ZNF804B: variants seen among roughly 807,000 people sequenced by gnomAD.
ZNF804B encodes zinc finger protein 804B, also known as zinc finger 804B.
Under a neutral mutation model 101.4 loss-of-function variants are expected in ZNF804B, and 80 were observed. The observed-to-expected ratio is 0.79, with a 90% CI of 0.66 to 0.95. The LOEUF is 0.95. Among genes scored for constraint, ZNF804B ranks in the 40% least tolerant of loss-of-function variants. The pLI is 0.00. For missense variants in ZNF804B, 1,673 were observed against 1,561.9 expected, an observed-to-expected ratio of 1.07 and a Z score of -1.20; for synonymous variants, 622 against 558.8, an observed-to-expected ratio of 1.11 and a Z score of -1.59.
chr7:88,944,526 CT>C (rs1160230735), intron 1 of ZNF804B, among the ~76,000 whole-genome samples: 1 of 151,414 alleles, frequency 6.6e-6, no homozygotes, highest in Non-Finnish European at 1.5e-5. Context: ...GCCATGGGTT[CT>C]GCATCTGGAG....
At chr7:89,205,026 G>A (rs1018572086) in intron 1 of ZNF804B, among the ~76,000 whole-genome samples, 3 of 152,142 alleles carry the variant, frequency 2.0e-5, no homozygotes, top group Admixed American at 6.5e-5. Flanking sequence ...CAATCATGAC[G>A]AAAGGCGAAT....
chr7:89,220,084 T>C lies in ZNF804B; in HGVS notation c.249+1789T>C, dbSNP rs13307255. 4.0e-3 allele frequency among the ~76,000 whole-genome samples: 111 copies of C among 28,096 alleles called. 38 individuals are homozygous for C. Among genetic ancestry groups the C allele is most frequent in the African/African-American group, 0.014 (106 of 7,354 alleles). 18.4% of individuals were successfully genotyped at this position (28,096 alleles called of 152,430 possible). On this transcript the variant is annotated intron_variant, in intron 2 of 3. Transcript: ENST00000333190. ...ATACGCACATATATGTGTATATACA[T>C]ATATATACGCACATATATATGTGTG...
At chr7:88,964,096 T>C (rs776329547) in intron 1 of ZNF804B, among the ~76,000 whole-genome samples, 7 of 151,380 alleles carry the variant, frequency 4.6e-5, no homozygotes, top group Non-Finnish European at 1.5e-5. Flanking sequence ...TGCAAAATGG[T>C]GCAGCTGCTG....
intron 1 of ZNF804B, among the ~76,000 whole-genome samples, chr7:89,076,319 G>C (rs139584093): frequency 1.3e-5 from 2 of 152,100 alleles, no homozygotes; most frequent in East Asian, 3.9e-4. Context: ...TTCCTGTGCT[G>C]TTCTCGTGAG....
At chr7:88,905,224 A>G (rs1212055253) in intron 1 of ZNF804B, among the ~76,000 whole-genome samples, 1 of 152,138 alleles carries the variant, frequency 6.6e-6, no homozygotes, top group Non-Finnish European at 1.5e-5. Flanking sequence ...TTTTGCTTTT[A>G]ATCCTGTGTA....
intron 1 of ZNF804B, among the ~76,000 whole-genome samples, chr7:88,934,618 C>A (rs1195964288): frequency 4.0e-5 from 6 of 151,710 alleles, no homozygotes; most frequent in Admixed American, 6.6e-5. Flanking sequence ...GGATAAACAA[C>A]CAACAAACAT....
At chr7:88,908,508 C>G (rs1162964520) in intron 1 of ZNF804B, among the ~76,000 whole-genome samples, 1 of 151,696 alleles carries the variant, frequency 6.6e-6, no homozygotes, top group Non-Finnish European at 1.5e-5. Flanking sequence ...TTCAAACTGA[C>G]CAAAAATACT....
intron 1 of ZNF804B, among the ~76,000 whole-genome samples, chr7:88,774,420 T>C (rs1790113709): frequency 6.6e-6 from 1 of 152,060 alleles, no homozygotes; most frequent in Admixed American, 6.6e-5. Flanking sequence ...GGACCTGGTC[T>C]AGTGTGAGGT....
intron 1 of ZNF804B, among the ~76,000 whole-genome samples, chr7:89,072,963 T>G (rs558995952): frequency 6.6e-6 from 1 of 152,246 alleles, no homozygotes; most frequent in African/African-American, 2.4e-5. Context: ...ATCAAAGAGC[T>G]TATTCAATTA....
chr7:89,048,225 C>CACACACAA (rs1481240451), intron 1 of ZNF804B, among the ~76,000 whole-genome samples: 1 of 151,602 alleles, frequency 6.6e-6, no homozygotes, highest in African/African-American at 2.4e-5. Context: ...CACACACACA[C>CACACACAA]AATGGAATAC....
At chr7:88,936,838 C>A (rs559943873) in intron 1 of ZNF804B, among the ~76,000 whole-genome samples, 3 of 152,112 alleles carry the variant, frequency 2.0e-5, no homozygotes, top group Admixed American at 6.6e-5. Context: ...TTTCTAAGGT[C>A]TTTTAATTTC....
chr7:88,974,264 GATATAA>G (rs66945982), intron 1 of ZNF804B, among the ~76,000 whole-genome samples: 19,410 of 151,046 alleles, frequency 0.13, 1,492 homozygotes, highest in East Asian at 0.28. Context: ...AAATATATCA[GATATAA>G]ATATAAAATC....
chr7:89,079,263 T>C (rs1431203990), intron 1 of ZNF804B, among the ~76,000 whole-genome samples: 1 of 151,990 alleles, frequency 6.6e-6, no homozygotes, highest in Non-Finnish European at 1.5e-5. Context: ...AAATATTACA[T>C]GGTCATTTTT....
intron 1 of ZNF804B, among the ~76,000 whole-genome samples, chr7:88,812,292 A>G (rs1156654273): frequency 1.3e-5 from 2 of 152,196 alleles, no homozygotes; most frequent in African/African-American, 4.8e-5. Context: ...TATAGTGTCC[A>G]TTACCCATGT....
intron 1 of ZNF804B, among the ~76,000 whole-genome samples, chr7:88,979,556 G>A (rs188116196): frequency 1.3e-5 from 2 of 151,224 alleles, no homozygotes; most frequent in Admixed American, 1.3e-4. Context: ...ATGTATTGGA[G>A]CTCCTTTTTA....
intron 1 of ZNF804B, among the ~76,000 whole-genome samples, chr7:89,121,828 G>C (rs1418903984): frequency 6.6e-6 from 1 of 152,040 alleles, no homozygotes; most frequent in African/African-American, 2.4e-5. Flanking sequence ...GGCACAAAAT[G>C]CACAGAAAAA....
At chr7:89,203,647 G>A (rs1788677428) in intron 1 of ZNF804B, among the ~76,000 whole-genome samples, 1 of 152,058 alleles carries the variant, frequency 6.6e-6, no homozygotes, top group Non-Finnish European at 1.5e-5. Context: ...GGAGCCGCCA[G>A]TTTGAAATAA....
chr7:88,789,415 A>G (rs1462241623), intron 1 of ZNF804B, among the ~76,000 whole-genome samples: 2 of 152,088 alleles, frequency 1.3e-5, no homozygotes, highest in Admixed American at 1.3e-4. Context: ...TCTTGCTTTT[A>G]TTGTTACTGT....
intron 1 of ZNF804B, among the ~76,000 whole-genome samples, chr7:89,084,653 G>A (rs1164699403): frequency 2.0e-5 from 3 of 151,830 alleles, no homozygotes; most frequent in Non-Finnish European, 4.4e-5. Flanking sequence ...AGGTATGAAG[G>A]ATACATTGCT....
Sources: gnomAD v4.1 joint callset for allele counts (sites outside exome capture counted in the v4.1 genomes callset) on GRCh38, gnomAD v4.1.1 for gene constraint, MANE v1.5 for transcripts, NCBI Gene and HGNC (gene_info 2026-07-23, HGNC 2026-07-21) for gene names.